AZIN2: variants seen among roughly 807,000 people sequenced by gnomAD.
AZIN2 encodes ODC antizyme inhibitor-2.
In AZIN2, 28 loss-of-function variants were observed where a neutral mutation model predicts 47.8. The ratio of observed to expected loss-of-function variants is 0.59; its 90% confidence interval spans 0.43 to 0.80. The LOEUF is 0.80. Ranked by LOEUF, AZIN2 falls within the 30% of genes least tolerant of loss-of-function variation. AZIN2 has a pLI of 0.00. For missense variants in AZIN2, 535 were observed against 582.5 expected, an observed-to-expected ratio of 0.92 and a Z score of 0.84; for synonymous variants, 221 against 239.4, an observed-to-expected ratio of 0.92 and a Z score of 0.71.
intron 5 of AZIN2, among the ~76,000 whole-genome samples, chr1:33,090,013 C>G (rs186434766): frequency 6.6e-6 from 1 of 152,120 alleles, no homozygotes. Flanking sequence ...GGAGCTAATA[C>G]CCATCTGAAT....
chr1:33,104,560 T>C (rs569905435), intron 10 of AZIN2, among the ~76,000 whole-genome samples: 20 of 149,180 alleles, frequency 1.3e-4, no homozygotes, highest in African/African-American at 4.7e-4. Flanking sequence ...ATATATATAG[T>C]CTTATAGAAA....
rs980137545 is a variant in AZIN2, at chr1:33,121,289, T to C, written c.*1107T>C. On this transcript the variant is annotated 3_prime_UTR_variant, in exon 12 of 12. Transcript: ENST00000294517. ...ACCCTTTTAAATGCAGAAGCCTGGG[T>C]GCAGTGGCTCACACCTGTAATCCCA... is the stretch of plus-strand genomic sequence containing the variant. Among the ~76,000 whole-genome samples, 4 of 152,148 alleles carry C rather than the reference T, an allele frequency of 2.6e-5. No individual in the cohort carries two copies. The highest frequency in any genetic ancestry group is 2.1e-4 in the South Asian group (1 of 4,832).
chr1:33,090,321 G>A (rs1324074932), intron 5 of AZIN2, among the ~76,000 whole-genome samples: 4 of 152,214 alleles, frequency 2.6e-5, no homozygotes, highest in African/African-American at 9.6e-5. Flanking sequence ...GGTAGGTGCT[G>A]AATGAACACA....
chr1:33,165,243 A>C, the AZIN2 span: 1 of 445,468 alleles, frequency 2.2e-6, no homozygotes, highest in Admixed American at 4.1e-5. This position sits in a 1 kb window ranked among gnomAD's most constrained non-coding sequence, Gnocchi z 4.0. Context: ...CCGAGGGACC[A>C]GCCCACATCC....
At chr1:33,116,580 C>G (rs549580910) in intron 10 of AZIN2, among the ~76,000 whole-genome samples, 1 of 152,284 alleles carries the variant, frequency 6.6e-6, no homozygotes, top group East Asian at 1.9e-4. Flanking sequence ...TGGATGCCAG[C>G]CTGCTAGGCA....
At chr1:33,108,385 C>G (rs1313817987) in intron 10 of AZIN2, among the ~76,000 whole-genome samples, 3 of 150,106 alleles carry the variant, frequency 2.0e-5, no homozygotes, top group African/African-American at 7.4e-5. Context: ...CTCTGTTGCC[C>G]AGGCTGGAGT....
chr1:33,122,383 C>T lies in AZIN2; in HGVS notation c.*2201C>T, dbSNP rs1644811320. On this transcript the variant is annotated 3_prime_UTR_variant, in exon 12 of 12. Transcript: ENST00000294517. ...CTAGTGTTTCATGTTCCATTTGCAG[C>T]AAGGATGTGAAATTTACTTTTCCAA... 6.6e-6 allele frequency among the ~76,000 whole-genome samples: 1 copy of T among 152,150 alleles called. No individual in the cohort carries two copies. Among genetic ancestry groups the T allele is most frequent in the African/African-American group, 2.4e-5 (1 of 41,432 alleles).
At chr1:33,144,397 C>G in the AZIN2 span, among the ~76,000 whole-genome samples, 1 of 152,196 alleles carries the variant, frequency 6.6e-6, no homozygotes, top group Non-Finnish European at 1.5e-5. Context: ...CTTGGCCTCC[C>G]AAAGTGTTGG....
intron 10 of AZIN2, 143 bp downstream of exon 10, chr1:33,098,322 A>T: frequency 1.6e-6 from 1 of 608,146 alleles, no homozygotes; most frequent in Non-Finnish European, 2.8e-6. Flanking sequence ...TATCACCCAT[A>T]ATCCCACCAC....
chr1:33,119,975 T>G (rs1375387352), intron 11 of AZIN2, 69 bp from the exon 12 acceptor site: 4 of 1,600,372 alleles, frequency 2.5e-6, no homozygotes, highest in Non-Finnish European at 3.4e-6. Context: ...CCAATGGGGC[T>G]GCGTCTCCAG....
the AZIN2 span, chr1:33,147,712 G>A: frequency 6.2e-7 from 1 of 1,611,414 alleles, no homozygotes; most frequent in Non-Finnish European, 8.5e-7. This position sits in a 1 kb window ranked among gnomAD's most constrained non-coding sequence, Gnocchi z 8.1. Context: ...CGGGTCCAGG[G>A]TTAGGGCGGC....
At chr1:33,108,944 C>T (rs77149404) in intron 10 of AZIN2, among the ~76,000 whole-genome samples, 3,969 of 152,172 alleles carry the variant, frequency 0.026, 190 homozygotes, top group African/African-American at 0.089. Context: ...TAGAAAATTG[C>T]CAAACGGTAT....
the AZIN2 span, chr1:33,147,543 C>G: frequency 4.3e-6 from 7 of 1,614,068 alleles, no homozygotes; most frequent in Non-Finnish European, 5.9e-6. The surrounding 1 kb of genome is among the most constrained non-coding windows in gnomAD (Gnocchi z 8.1). Context: ...CCACCACCAC[C>G]TCCCAGTAGT....
chr1:33,099,221 T>C (rs1643459309), intron 10 of AZIN2, among the ~76,000 whole-genome samples: 1 of 152,130 alleles, frequency 6.6e-6, no homozygotes, highest in Non-Finnish European at 1.5e-5. Context: ...GAAAATCAAC[T>C]CCACTTTGTG....
At chr1:33,091,204 G>A (rs1298924140) in intron 5 of AZIN2, among the ~76,000 whole-genome samples, 1 of 152,140 alleles carries the variant, frequency 6.6e-6, no homozygotes, top group Non-Finnish European at 1.5e-5. Flanking sequence ...TCCTTTGGAT[G>A]TATACCCAGT....
At chr1:33,135,441 C>G in the AZIN2 span, among the ~76,000 whole-genome samples, 1 of 152,216 alleles carries the variant, frequency 6.6e-6, no homozygotes, top group Non-Finnish European at 1.5e-5. Context: ...CCACCTGGCA[C>G]GTGGCAGTCC....
rs1309331002 is a variant in AZIN2, at chr1:33,108,518, T to C, written c.1030-9384T>C. Among the ~76,000 whole-genome samples, 3 of 152,102 alleles carry C rather than the reference T, an allele frequency of 2.0e-5. No homozygotes were observed. The East Asian group carries it at 5.8e-4, about 29-fold the overall frequency. ...CCATCATGCCCCGCTACTTTTTGTATTTTTAGTAGAGATGGGGTTTCACCA... is the reference window on the plus strand; with the variant it reads ...CCATCATGCCCCGCTACTTTTTGTACTTTTAGTAGAGATGGGGTTTCACCA... On this transcript the variant is annotated intron_variant, in intron 10 of 11. Transcript: ENST00000294517.
intron 10 of AZIN2, among the ~76,000 whole-genome samples, chr1:33,108,342 C>CTTTTTTTTTTTTTTT (rs34834263): frequency 3.0e-5 from 4 of 134,742 alleles, no homozygotes; most frequent in African/African-American, 1.1e-4. Context: ...TTCAGATTGA[C>CTTTTTTTTTTTTTTT]TTTTTTTTTT....
At chr1:33,100,564 CGTG>C (rs1643603343) in intron 10 of AZIN2, among the ~76,000 whole-genome samples, 2 of 148,322 alleles carry the variant, frequency 1.3e-5, no homozygotes, top group South Asian at 4.3e-4. Flanking sequence ...GATAGAAACA[CGTG>C]TGTGTGTGTG....
Sources: gnomAD v4.1 joint callset for allele counts (sites outside exome capture counted in the v4.1 genomes callset) on GRCh38, gnomAD v4.1.1 for gene constraint, Gnocchi (gnomAD v3.1) non-coding constraint, MANE v1.5 for transcripts, NCBI Gene and HGNC (gene_info 2026-07-23, HGNC 2026-07-21) for gene names.